LMNTD1: variants seen among roughly 807,000 people sequenced by gnomAD.
LMNTD1 encodes lamin tail domain-containing protein 1.
Under a neutral mutation model 50.9 loss-of-function variants are expected in LMNTD1, and 35 were observed. The observed-to-expected ratio is 0.69, with a 90% CI of 0.53 to 0.91. The LOEUF (loss-of-function observed/expected upper bound fraction) is 0.91. Ranked by LOEUF, LMNTD1 falls within the 40% of genes least tolerant of loss-of-function variation. The pLI, the probability that LMNTD1 is intolerant of heterozygous loss-of-function variation, is 0.00. For missense variants in LMNTD1, 470 were observed against 475.5 expected (o/e 0.99, Z 0.11); for synonymous variants, 153 against 161.9 (o/e 0.94, Z 0.42).
Position 25,481,865 on chromosome 12 carries a change from T to TCACACACACACA in LMNTD1, c.*23-5417_*23-5406dup, listed in dbSNP as rs138084240. 1.8e-3 allele frequency among the ~76,000 whole-genome samples: 244 copies of TCACACACACACA among 132,692 alleles called. 1 individual carries two copies. The highest frequency in any genetic ancestry group is 5.9e-3 in the African/African-American group (205 of 34,960). The allele number at this position is 132,692 out of a possible 152,430, so 87.1% of individuals were successfully genotyped here. A position where few individuals can be genotyped will look rare whatever the true frequency, so the allele number is the denominator to read the frequency against. On this transcript the variant is annotated intron_variant, in intron 9 of 9. Coordinates refer to ENST00000458174, the MANE Select transcript of LMNTD1 (RefSeq NM_001145728.2). ...CAACATATAGTAATATATTGCCTCTTCACACACACACACACACACACACAC... is the reference window on the plus strand; with the variant it reads ...CAACATATAGTAATATATTGCCTCTTCACACACACACACACACACACACACACACACACACAC...
chr12:25,537,042 C>T (rs576950966), intron 4 of LMNTD1, among the ~76,000 whole-genome samples: 227 of 149,464 alleles, frequency 1.5e-3, no homozygotes, highest in African/African-American at 5.2e-3. Flanking sequence ...CGGCGAACCA[C>T]GAGATTATAT....
intron 4 of LMNTD1, among the ~76,000 whole-genome samples, chr12:25,536,989 C>A (rs1942640207): frequency 6.6e-6 from 1 of 152,248 alleles, no homozygotes; most frequent in African/African-American, 2.4e-5. Flanking sequence ...AAAATCGGGT[C>A]ACTCCCACCC....
intron 3 of LMNTD1, among the ~76,000 whole-genome samples, chr12:25,546,978 C>T (rs138111584): frequency 6.5e-4 from 99 of 151,710 alleles, no homozygotes; most frequent in Non-Finnish European, 1.3e-3. Context: ...TAAGTTAAAG[C>T]CTCATATGAA....
chr12:25,623,553 CAAAAAAAAAAAAAAAAAAA>C, intron 1 of LMNTD1, among the ~76,000 whole-genome samples: 1 of 57,534 alleles, frequency 1.7e-5, no homozygotes. Context: ...GACTCTGTCT[CAAAAAAAAAAAAAAAAAAA>C]AAAAAAAAAG....
At chr12:25,558,681 G>A (rs761423939) in intron 1 of LMNTD1, among the ~76,000 whole-genome samples, 18 of 152,162 alleles carry the variant, frequency 1.2e-4, no homozygotes, top group African/African-American at 3.4e-4. Flanking sequence ...CAATCATAGC[G>A]GAAGACAAAG....
intron 8 of LMNTD1, among the ~76,000 whole-genome samples, chr12:25,508,163 G>A (rs1222947291): frequency 2.6e-5 from 4 of 152,084 alleles, no homozygotes; most frequent in Non-Finnish European, 5.9e-5. Flanking sequence ...ATGAAGGAAA[G>A]TTCACAAATC....
At chr12:25,561,376 T>C (rs974288970) in intron 1 of LMNTD1, among the ~76,000 whole-genome samples, 3 of 152,238 alleles carry the variant, frequency 2.0e-5, no homozygotes, top group South Asian at 2.1e-4. Flanking sequence ...GAAATCTTTA[T>C]TTCTGCCTTC....
chr12:25,633,205 T>C (rs1034254876), intron 1 of LMNTD1, among the ~76,000 whole-genome samples: 1 of 151,932 alleles, frequency 6.6e-6, no homozygotes, highest in African/African-American at 2.4e-5. Flanking sequence ...AGAAATGATA[T>C]AGACAGCAAC....
intron 1 of LMNTD1, among the ~76,000 whole-genome samples, chr12:25,584,822 T>C (rs1945451893): frequency 6.6e-6 from 1 of 152,208 alleles, no homozygotes; most frequent in African/African-American, 2.4e-5. Flanking sequence ...GACTGGGGTC[T>C]AATACTTATT....
At chr12:25,629,317 T>A (rs747904061) in intron 1 of LMNTD1, among the ~76,000 whole-genome samples, 4 of 152,190 alleles carry the variant, frequency 2.6e-5, no homozygotes, top group Admixed American at 1.3e-4. Context: ...CTGCAGAAAC[T>A]CTACTTTAGA....
chr12:25,613,898 AT>A (rs935310575), intron 1 of LMNTD1, among the ~76,000 whole-genome samples: 5 of 151,964 alleles, frequency 3.3e-5, no homozygotes, highest in African/African-American at 1.2e-4. Flanking sequence ...ATTCAAGCAG[AT>A]TCCTAAATAC....
intron 8 of LMNTD1, among the ~76,000 whole-genome samples, chr12:25,504,778 C>T (rs1409815064): frequency 2.0e-5 from 3 of 152,128 alleles, no homozygotes; most frequent in African/African-American, 7.2e-5. Context: ...TTTTCTTAGC[C>T]ACAAATAGGA....
At chr12:25,493,355 C>T (rs1463624007) in intron 9 of LMNTD1, among the ~76,000 whole-genome samples, 1 of 152,180 alleles carries the variant, frequency 6.6e-6, no homozygotes, top group African/African-American at 2.4e-5. Context: ...GCTAATCCCA[C>T]TGGATTTTAG....
At chr12:25,581,772 A>T (rs538992523) in intron 1 of LMNTD1, among the ~76,000 whole-genome samples, 93 of 152,360 alleles carry the variant, frequency 6.1e-4, no homozygotes, top group Middle Eastern at 3.4e-3. Flanking sequence ...CACCTAGGTT[A>T]TATGGGATAG....
chr12:25,513,177 C>T (rs148895677), intron 8 of LMNTD1, among the ~76,000 whole-genome samples: 10 of 152,196 alleles, frequency 6.6e-5, no homozygotes, highest in African/African-American at 2.2e-4. Context: ...ACTTTCAGCA[C>T]ATCTTCCACT....
intron 9 of LMNTD1, among the ~76,000 whole-genome samples, chr12:25,485,008 G>C (rs1938576831): frequency 6.6e-6 from 1 of 151,958 alleles, no homozygotes; most frequent in Non-Finnish European, 1.5e-5. Flanking sequence ...ATAGTCCTTT[G>C]GGTATATACC....
intron 1 of LMNTD1, among the ~76,000 whole-genome samples, chr12:25,586,423 C>A (rs1365796792): frequency 6.6e-6 from 1 of 152,156 alleles, no homozygotes; most frequent in Non-Finnish European, 1.5e-5. Flanking sequence ...CTGCAGTAAT[C>A]TTTTTATTGG....
intron 6 of LMNTD1, among the ~76,000 whole-genome samples, chr12:25,524,770 ATAACT>A (rs1941589295): frequency 6.6e-6 from 1 of 152,160 alleles, no homozygotes; most frequent in Non-Finnish European, 1.5e-5. Context: ...ATCTAAGTAA[ATAACT>A]TAGATTGTGT....
At chr12:25,630,520 G>C (rs1397223464) in intron 1 of LMNTD1, 3 of 152,264 alleles carry the variant, frequency 2.0e-5, no homozygotes, top group African/African-American at 4.8e-5. Context: ...GTGGGAAAGA[G>C]AGCCTCCTCT....
Sources: allele counts gnomAD v4.1 joint callset (sites outside exome capture counted in the v4.1 genomes callset), GRCh38; gene constraint gnomAD v4.1.1; transcripts MANE v1.5; gene names NCBI Gene and HGNC (gene_info 2026-07-23, HGNC 2026-07-21).